The following CTNNA3 variants were observed in gnomAD, a reference collection of about 807,000 sequenced individuals.
CTNNA3 encodes catenin alpha 3.
Under a neutral mutation model 95.7 loss-of-function variants are expected in CTNNA3, and 76 were observed. That is an observed-to-expected ratio of 0.79 (90% CI 0.66 to 0.96). The LOEUF (loss-of-function observed/expected upper bound fraction) is 0.96. CTNNA3 is among the 40% of genes least tolerant of loss of function. The pLI, the probability that CTNNA3 is intolerant of heterozygous loss-of-function variation, is 0.00. For missense variants in CTNNA3, 1,191 were observed against 1,089.8 expected, an observed-to-expected ratio of 1.09 and a Z score of -1.31; for synonymous variants, 431 against 374.4, an observed-to-expected ratio of 1.15 and a Z score of -1.74.
chr10:67,763,126 G>A (rs1841471224), intron 1 of CTNNA3, among the ~76,000 whole-genome samples: 2 of 152,078 alleles, frequency 1.3e-5, no homozygotes, highest in Non-Finnish European at 2.9e-5. Flanking sequence ...AAACAAAAAT[G>A]TAGTTCTTGG....
At chr10:66,813,574 T>A (rs907083131) in intron 7 of CTNNA3, among the ~76,000 whole-genome samples, 7 of 152,170 alleles carry the variant, frequency 4.6e-5, no homozygotes, top group African/African-American at 1.7e-4. Context: ...ATAAATTCAA[T>A]AAAATTTTTC....
chr10:67,140,934 A>G (rs1376026619), intron 7 of CTNNA3, among the ~76,000 whole-genome samples: 1 of 152,228 alleles, frequency 6.6e-6, no homozygotes, highest in East Asian at 1.9e-4. Context: ...GGTGTTGATC[A>G]TATGCCAAGA....
intron 1 of CTNNA3, among the ~76,000 whole-genome samples, chr10:67,724,071 CAG>C (rs1841194945): frequency 6.6e-6 from 1 of 152,178 alleles, no homozygotes; most frequent in Non-Finnish European, 1.5e-5. Context: ...CTGGGCTCAG[CAG>C]TGACCCTGAT....
intron 11 of CTNNA3, among the ~76,000 whole-genome samples, chr10:66,498,396 T>C (rs1367187717): frequency 2.0e-5 from 3 of 152,160 alleles, no homozygotes; most frequent in Admixed American, 1.3e-4. Context: ...AGCCAGGTTA[T>C]ATTAACAGTG....
In CTNNA3 at chr10:66,324,035, C is replaced by T. The variant is rs150075334; in HGVS notation, c.1733-43414G>A. On this transcript the variant is annotated intron_variant, in intron 12 of 17. Transcript: ENST00000433211. Reference sequence around the variant, plus strand: ...CATCCATTCCACTGAGGGCCACCTCCACCACTCAATAAAAACTCACATTCG... The same window carrying T: ...CATCCATTCCACTGAGGGCCACCTCTACCACTCAATAAAAACTCACATTCG... Among the ~76,000 whole-genome samples the T allele has an allele frequency of 2.0e-5, 3 of 152,024 alleles. No homozygotes were observed. In the East Asian group the frequency reaches 5.8e-4, roughly 30 times the overall value.
chr10:67,336,162 C>T (rs1394979954), intron 5 of CTNNA3, among the ~76,000 whole-genome samples: 1 of 152,114 alleles, frequency 6.6e-6, no homozygotes, highest in African/African-American at 2.4e-5. Context: ...CCAGTTGTCC[C>T]CATCTCCTCC....
At chr10:66,858,117 G>A (rs1843755156) in intron 7 of CTNNA3, among the ~76,000 whole-genome samples, 1 of 152,060 alleles carries the variant, frequency 6.6e-6, no homozygotes, top group Non-Finnish European at 1.5e-5. Context: ...ATGAAAAGAT[G>A]TTAAATTGTA....
At chr10:66,007,704 T>TCCTCCCTCTCTCCCTCCCTC (rs2078916598) in intron 15 of CTNNA3, among the ~76,000 whole-genome samples, 1 of 86,280 alleles carries the variant, frequency 1.2e-5, no homozygotes, top group Non-Finnish European at 2.3e-5. Context: ...GGCTTTTAGA[T>TCCTCCCTCTCTCCCTCCCTC]CCTCCCTCCC....
intron 9 of CTNNA3, among the ~76,000 whole-genome samples, chr10:66,727,816 A>T (rs1848826292): frequency 6.6e-6 from 1 of 152,178 alleles, no homozygotes; most frequent in African/African-American, 2.4e-5. Context: ...ATGCACATCA[A>T]GTAATAGGGA....
intron 5 of CTNNA3, among the ~76,000 whole-genome samples, chr10:67,240,453 G>A (rs1251251721): frequency 6.6e-6 from 1 of 152,148 alleles, no homozygotes; most frequent in African/African-American, 2.4e-5. Context: ...TGAAACAACA[G>A]TAGGCTTCAG....
chr10:66,387,779 G>A (rs890430008), intron 11 of CTNNA3, among the ~76,000 whole-genome samples: 5 of 152,128 alleles, frequency 3.3e-5, no homozygotes, highest in Admixed American at 6.5e-5. Flanking sequence ...AACAGGATGA[G>A]TTCATGTCCT....
intron 11 of CTNNA3, among the ~76,000 whole-genome samples, chr10:66,473,553 A>G (rs193107022): frequency 1.4e-4 from 22 of 152,096 alleles, no homozygotes; most frequent in African/African-American, 5.1e-4. Flanking sequence ...TTTAGGATAC[A>G]TGTGCACAAT....
chr10:66,720,378 A>C (rs954621631), intron 9 of CTNNA3, among the ~76,000 whole-genome samples: 1 of 152,178 alleles, frequency 6.6e-6, no homozygotes, highest in African/African-American at 2.4e-5. Flanking sequence ...CTTTAGAAAG[A>C]TAAGGTCAAC....
chr10:66,129,223 C>CA (rs898949701), intron 13 of CTNNA3, among the ~76,000 whole-genome samples: 5 of 152,168 alleles, frequency 3.3e-5, no homozygotes, highest in Non-Finnish European at 7.3e-5. Flanking sequence ...GAGATTGTGC[C>CA]ATTGCACTCC....
chr10:66,497,705 A>T (rs1173141873), intron 11 of CTNNA3, among the ~76,000 whole-genome samples: 1 of 152,134 alleles, frequency 6.6e-6, no homozygotes, highest in Non-Finnish European at 1.5e-5. Context: ...CTGCTGATAG[A>T]AAAGCAGAAA....
chr10:67,269,335 A>T (rs927642423), intron 5 of CTNNA3, among the ~76,000 whole-genome samples: 26 of 152,314 alleles, frequency 1.7e-4, no homozygotes, highest in African/African-American at 6.3e-4. Context: ...GTTTTATTTT[A>T]TATTAATAGA....
At chr10:66,046,416 G>A (rs935361124) in intron 15 of CTNNA3, among the ~76,000 whole-genome samples, 1 of 152,130 alleles carries the variant, frequency 6.6e-6, no homozygotes, top group African/African-American at 2.4e-5. Flanking sequence ...CAAAGTGGGA[G>A]GTTAGACCCC....
At chr10:66,481,426 T>C (rs982330804) in intron 11 of CTNNA3, among the ~76,000 whole-genome samples, 1 of 150,562 alleles carries the variant, frequency 6.6e-6, no homozygotes, top group Non-Finnish European at 1.5e-5. Flanking sequence ...GTATTGGGTA[T>C]ACAGAAACAA....
At chr10:65,930,645 A>G (rs1038066773) in intron 17 of CTNNA3, among the ~76,000 whole-genome samples, 4 of 152,182 alleles carry the variant, frequency 2.6e-5, no homozygotes, top group Non-Finnish European at 5.9e-5. Context: ...TGATTATAAT[A>G]TTGAGTATGC....
Sources: gnomAD v4.1 joint callset for allele counts (sites outside exome capture counted in the v4.1 genomes callset) on GRCh38, gnomAD v4.1.1 for gene constraint, MANE v1.5 for transcripts, NCBI Gene and HGNC (gene_info 2026-07-23, HGNC 2026-07-21) for gene names.